The following MTA3 variants were observed in gnomAD, a reference collection of about 807,000 sequenced individuals.
MTA3 encodes metastasis associated 1 family member 3.
MTA3 carries 34 observed loss-of-function variants against 83.5 expected under a neutral mutation model. That is an observed-to-expected ratio of 0.41 (90% CI 0.31 to 0.54). The LOEUF (loss-of-function observed/expected upper bound fraction) is 0.54. Ranked by LOEUF, MTA3 falls within the 20% of genes least tolerant of loss-of-function variation. The pLI is 0.33. For synonymous variants in MTA3, 303 were observed against 252.7 expected (o/e 1.20, Z -1.89); for missense variants, 761 against 726.4 (o/e 1.05, Z -0.55).
At chr2:42,639,827 A>G (rs1040132927) in intron 4 of MTA3, among the ~76,000 whole-genome samples, 4 of 152,160 alleles carry the variant, frequency 2.6e-5, no homozygotes, top group African/African-American at 7.2e-5. Flanking sequence ...CATAATATCT[A>G]TTTATAGGTT....
At chr2:42,560,116 A>G (rs181987178) in intron 2 of MTA3, among the ~76,000 whole-genome samples, 1,766 of 152,046 alleles carry the variant, frequency 0.012, 17 homozygotes, top group Non-Finnish European at 0.019. Context: ...TCCGCCTCCC[A>G]GGTGCAAGCG....
intron 7 of MTA3, 65 bp downstream of exon 7, chr2:42,656,367 T>C: frequency 1.0e-6 from 1 of 989,580 alleles, no homozygotes; most frequent in Non-Finnish European, 1.5e-6. Context: ...TATAGGTATA[T>C]GTATTTTTAT....
In MTA3 at chr2:42,614,976, TAA is replaced by T. The variant is rs55857778; in HGVS notation, c.317+5405_317+5406del. On this transcript the variant is annotated intron_variant, in intron 4 of 16. Coordinates refer to ENST00000405094, the MANE Select transcript of MTA3 (RefSeq NM_001330442.2). ...TGGGTGACAGAGCAAGACTCTGTCTTAAAAAAAAAAAAAACAAAAAGCAGAAA... is the reference window on the plus strand; with the variant it reads ...TGGGTGACAGAGCAAGACTCTGTCTTAAAAAAAAAAAACAAAAAGCAGAAA... Among the ~76,000 whole-genome samples, 69 of 142,476 alleles carry T rather than the reference TAA, an allele frequency of 4.8e-4. No individual in the cohort carries two copies. The East Asian group carries it at 7.5e-3, about 16-fold the overall frequency. 93.5% of individuals were successfully genotyped at this position (142,476 alleles called of 152,430 possible). A position where few individuals can be genotyped will look rare whatever the true frequency, so the allele number is the denominator to read the frequency against.
Position 42,755,144 on chromosome 2 carries a change from G to C in MTA3, c.*1745G>C. 2.0e-6 allele frequency: 2 copies of C among 985,438 alleles called. No individual in the cohort carries two copies. The highest frequency in any genetic ancestry group is 2.4e-6 in the Non-Finnish European group (2 of 829,982). The allele number at this position is 985,438 out of a possible 1,614,324, so 61.0% of individuals were successfully genotyped here. On this transcript the variant is annotated 3_prime_UTR_variant, in exon 17 of 17. Transcript: ENST00000405094. ...CCTGGGAGGAGGTGCCGCATCACGTGGATGTTTCTTCCCTAAAGAAAAAGA... is the reference window on the plus strand; with the variant it reads ...CCTGGGAGGAGGTGCCGCATCACGTCGATGTTTCTTCCCTAAAGAAAAAGA...
chr2:42,707,319 C>T (rs763115486), intron 12 of MTA3, among the ~76,000 whole-genome samples: 6 of 151,970 alleles, frequency 3.9e-5, no homozygotes, highest in African/African-American at 7.3e-5. Flanking sequence ...TCTCAGCTCA[C>T]TGTAACCTCT....
chr2:42,682,515 G>C lies in MTA3; in HGVS notation c.817G>C (p.Ala273Pro). ...LCRDEMEEWS[A>P]SEASLFEEAL... ...CAGAGATGAAATGGAGGAATGGTCA[G>C]CCTCTGAAGCTAGCTTATTTGAAGA... is the stretch of plus-strand genomic sequence containing the variant. Residue 273 changes from alanine (A) to proline (P), a missense_variant, in exon 9 of 17, where the codon GCC (alanine) becomes CCC (proline). Coordinates refer to ENST00000405094, the MANE Select transcript of MTA3 (RefSeq NM_001330442.2). 1 of 1,612,682 alleles carries C rather than the reference G, an allele frequency of 6.2e-7. No homozygotes were observed. The highest frequency in any genetic ancestry group is 8.5e-7 in the Non-Finnish European group (1 of 1,179,350).
intron 14 of MTA3, chr2:42,709,412 C>G (rs983877148): frequency 4.6e-6 from 3 of 656,722 alleles, no homozygotes; most frequent in Non-Finnish European, 6.4e-6. Flanking sequence ...TATTGAAGCA[C>G]TTTTACCTTT....
intron 4 of MTA3, among the ~76,000 whole-genome samples, chr2:42,627,587 G>A (rs896379863): frequency 6.6e-6 from 1 of 150,830 alleles, no homozygotes; most frequent in African/African-American, 2.4e-5. Context: ...AATTTGAAAC[G>A]GAGTCTCGCT....
At chr2:42,537,375 C>T (rs1007753371) in intron 2 of MTA3, among the ~76,000 whole-genome samples, 1 of 151,934 alleles carries the variant, frequency 6.6e-6, no homozygotes, top group Non-Finnish European at 1.5e-5. Context: ...ACCAGCCTGG[C>T]CAAACATGGT....
intron 16 of MTA3, among the ~76,000 whole-genome samples, chr2:42,733,738 A>G (rs548521833): frequency 6.6e-6 from 1 of 152,160 alleles, no homozygotes; most frequent in East Asian, 1.9e-4. Context: ...GACTGAAGCA[A>G]TCCTCCTGAC....
chr2:42,697,779 C>A lies in MTA3; in HGVS notation c.970C>A (p.Arg324Ser). ...KTTDRYVQQK[R>S]LKAAEAESKL... ...TTTTATTCATCTTTTGAATTAGAAA[C>A]GTCTAAAAGCAGCAGAAGCTGAGAG... Residue 324 changes from arginine (R) to serine (S), a missense_variant, in exon 11 of 17, where the codon CGT becomes AGT. Arg to Ser is a moderately radical substitution (Grantham distance 110). Transcript: ENST00000405094. 6.5e-7 allele frequency: 1 copy of A among 1,536,558 alleles called. No homozygotes were observed. Among genetic ancestry groups the A allele is most frequent in the African/African-American group, 1.4e-5 (1 of 72,744 alleles).
At chr2:42,690,300 T>C (rs942837685) in intron 9 of MTA3, among the ~76,000 whole-genome samples, 6 of 152,238 alleles carry the variant, frequency 3.9e-5, no homozygotes, top group Non-Finnish European at 8.8e-5. Flanking sequence ...TTAAAACATA[T>C]TTCATTTTTT....
intron 16 of MTA3, among the ~76,000 whole-genome samples, chr2:42,730,151 A>T (rs1000691058): frequency 6.6e-6 from 1 of 152,180 alleles, no homozygotes; most frequent in African/African-American, 2.4e-5. Flanking sequence ...CAAATATAAG[A>T]TCATATCATC....
At chr2:42,510,709 C>G (rs1009999862) in intron 2 of MTA3, among the ~76,000 whole-genome samples, 2 of 152,084 alleles carry the variant, frequency 1.3e-5, no homozygotes, top group African/African-American at 4.8e-5. Context: ...CCCTGATATC[C>G]AACTGTTTGG....
intron 2 of MTA3, among the ~76,000 whole-genome samples, chr2:42,534,439 T>G (rs976122510): frequency 6.6e-6 from 1 of 151,892 alleles, no homozygotes; most frequent in Admixed American, 6.6e-5. Flanking sequence ...CTACTAAAAA[T>G]ACAAAAAATT....
At chr2:42,632,091 G>GTTT (rs35447248) in intron 4 of MTA3, among the ~76,000 whole-genome samples, 23 of 125,184 alleles carry the variant, frequency 1.8e-4, no homozygotes, top group South Asian at 4.9e-4. Flanking sequence ...CAGCTGCTGG[G>GTTT]TTTTTTTTTT....
chr2:42,680,366 A>G (rs1691761257), intron 8 of MTA3: 1 of 152,214 alleles, frequency 6.6e-6, no homozygotes, highest in Non-Finnish European at 1.5e-5. Flanking sequence ...GGGCTTGGAG[A>G]TGCACGACTT....
chr2:42,621,132 G>GTTTTTTT (rs3039328), intron 4 of MTA3, among the ~76,000 whole-genome samples: 1 of 137,390 alleles, frequency 7.3e-6, no homozygotes, highest in African/African-American at 2.7e-5. Context: ...TCTTATTAGA[G>GTTTTTTT]TTTTTTTTTT....
At chr2:42,749,725 C>G (rs144452719) in intron 16 of MTA3, among the ~76,000 whole-genome samples, 1 of 152,206 alleles carries the variant, frequency 6.6e-6, no homozygotes, top group East Asian at 1.9e-4. Context: ...ACCTCAGCCT[C>G]CCAAAGTGCT....
Sources: gnomAD v4.1 joint callset for allele counts (sites outside exome capture counted in the v4.1 genomes callset) on GRCh38, gnomAD v4.1.1 for gene constraint, MANE v1.5 for transcripts, NCBI Gene and HGNC (gene_info 2026-07-23, HGNC 2026-07-21) for gene names.